KDM5A: variants seen among roughly 807,000 people sequenced by gnomAD.
The protein encoded by KDM5A is lysine demethylase 5A, also known as lysine-specific demethylase 5A.
A neutral mutation model predicts 193.5 loss-of-function variants in KDM5A; 42 were observed. The ratio of observed to expected loss-of-function variants is 0.22; its 90% CI spans 0.17 to 0.28. KDM5A has a LOEUF of 0.28. Among genes scored for constraint, KDM5A ranks in the 10% least tolerant of loss-of-function variants. The pLI is 1.00. For synonymous variants in KDM5A, 796 were observed against 718.1 expected (o/e 1.11, Z -1.73); for missense variants, 1,692 against 2,055.1 (o/e 0.82, Z 3.42).
In KDM5A at chr12:333,512, T is replaced by C. The variant is rs762095468; in HGVS notation, c.1628A>G (p.Asn543Ser). 5 of 1,613,966 alleles carry C rather than the reference T, an allele frequency of 3.1e-6. No individual in the cohort carries two copies. Among genetic ancestry groups the C allele is most frequent in the East Asian group, 2.2e-5 (1 of 44,888 alleles). ...LHQLVTIMNPNVLMEHGVPVY... is the reference protein window; with the variant it reads ...LHQLVTIMNPSVLMEHGVPVY... ...AGGCACACCATGCTCCATTAGCACG[T>C]TGGGGTTCATGATGGTAACTAACTG... is the stretch of plus-strand genomic sequence containing the variant. The change falls in exon 12 of 28, where the codon AAC becomes AGC. Residue 543 changes from asparagine to serine, a missense_variant. Coordinates refer to ENST00000399788, the MANE Select transcript of KDM5A (RefSeq NM_001042603.3).
intron 1 of KDM5A, among the ~76,000 whole-genome samples, chr12:386,685 A>G (rs1944641049): frequency 6.6e-6 from 1 of 152,168 alleles, no homozygotes; most frequent in East Asian, 1.9e-4. Flanking sequence ...TATCTCTATA[A>G]AAGAAAAAGA....
At chr12:320,483 G>A (rs908553721) in intron 18 of KDM5A, among the ~76,000 whole-genome samples, 9 of 152,070 alleles carry the variant, frequency 5.9e-5, no homozygotes, top group Non-Finnish European at 7.3e-5. Context: ...GCGACAGAGC[G>A]AGACTCCCAT....
chr12:293,911 A>G (rs1474040674), intron 26 of KDM5A, among the ~76,000 whole-genome samples: 1 of 152,076 alleles, frequency 6.6e-6, no homozygotes, highest in East Asian at 1.9e-4. Context: ...TTTAACTTAT[A>G]CTAGCTTACT....
At chr12:290,592 T>C (rs1187153630) in intron 27 of KDM5A, among the ~76,000 whole-genome samples, 1 of 152,194 alleles carries the variant, frequency 6.6e-6, no homozygotes, top group Non-Finnish European at 1.5e-5. Flanking sequence ...AAAATAATGA[T>C]CACATCTTAG....
intron 3 of KDM5A, among the ~76,000 whole-genome samples, chr12:369,538 G>C (rs1466835647): frequency 3.9e-5 from 6 of 152,138 alleles, no homozygotes; most frequent in Non-Finnish European, 7.4e-5. Context: ...GGGCCTCCAG[G>C]TAACAGGGTA....
chr12:317,055 G>C (rs530057064), intron 19 of KDM5A, among the ~76,000 whole-genome samples: 16 of 152,188 alleles, frequency 1.1e-4, no homozygotes, highest in Middle Eastern at 6.8e-3. Context: ...AAGGACCACC[G>C]TTAATTATCA....
In KDM5A at chr12:297,101, T is replaced by C. The variant is rs561267177; in HGVS notation, c.4174A>G (p.Thr1392Ala). 2 of 1,614,030 alleles carry C rather than the reference T, an allele frequency of 1.2e-6. No homozygotes were observed. Among genetic ancestry groups the C allele is most frequent in the East Asian group, 2.2e-5 (1 of 44,822 alleles). The change falls in exon 25 of 28, where the codon ACA becomes GCA. Residue 1392 changes from threonine (T) to alanine (A), a missense_variant. Physicochemically the swap from Thr to Ala is moderately conservative, Grantham distance 58. Around this residue, in one of 11 missense-constraint regions of KDM5A, gnomAD observed 965 missense variants for 1,061.0 expected, o/e 0.91. Coordinates refer to ENST00000399788, the MANE Select transcript of KDM5A (RefSeq NM_001042603.3). ...TGCTCTGCACAAAATGAAGGTGCTG[T>C]CCACATGTGGGTCACCACCTCCTCG... is the stretch of plus-strand genomic sequence containing the variant. ...KSEEVVTHMW[T>A]APSFCAEHAY...
intron 10 of KDM5A, among the ~76,000 whole-genome samples, chr12:343,553 C>T (rs937474575): frequency 1.8e-4 from 27 of 152,296 alleles, no homozygotes; most frequent in African/African-American, 6.5e-4. Flanking sequence ...TGGGACGAAG[C>T]TTCCACAGGA....
intron 5 of KDM5A, among the ~76,000 whole-genome samples, chr12:361,278 T>G (rs964480149): frequency 6.6e-6 from 1 of 151,790 alleles, no homozygotes; most frequent in Non-Finnish European, 1.5e-5. Flanking sequence ...CTCTGTAAGC[T>G]CCGCCTTCCA....
intron 2 of KDM5A, among the ~76,000 whole-genome samples, chr12:384,567 A>G (rs1425448189): frequency 6.6e-6 from 1 of 152,132 alleles, no homozygotes; most frequent in African/African-American, 2.4e-5. Flanking sequence ...TTTTTTCATT[A>G]TTGCTTATTT....
chr12:312,230 C>CAG (rs1482091469), intron 20 of KDM5A, among the ~76,000 whole-genome samples: 2 of 152,160 alleles, frequency 1.3e-5, no homozygotes, highest in Non-Finnish European at 2.9e-5. Flanking sequence ...TTTTAAATTA[C>CAG]AGATGTGTAA....
At chr12:349,312 GC>G (rs1565542023) in intron 10 of KDM5A, among the ~76,000 whole-genome samples, 1 of 144,880 alleles carries the variant, frequency 6.9e-6, no homozygotes, top group East Asian at 2.1e-4. Context: ...GAGCCCCCGC[GC>G]CCAGCCATCT....
intron 1 of KDM5A, 30 bp from the exon 2 acceptor site, chr12:386,004 CAG>C (rs749026564): frequency 6.5e-7 from 1 of 1,546,542 alleles, no homozygotes; most frequent in Non-Finnish European, 8.9e-7. Context: ...TAAAAAAACA[CAG>C]TGGTATGTAA....
Position 308,005 on chromosome 12 carries a change from C to T in KDM5A, c.3379G>A (p.Val1127Met), listed in dbSNP as rs1369709387. 6.2e-7 allele frequency: 1 copy of T among 1,613,692 alleles called. No homozygotes were observed. The highest frequency in any genetic ancestry group is 1.3e-5 in the African/African-American group (1 of 74,922). ...TGCTCCCGTTCTTTGAAAACTGCCA[C>T]CTGTACAAGACAAACATTTAATTGA... is the stretch of plus-strand genomic sequence containing the variant. ...LEETRDTAMVVAVFKEREQKE... is the reference protein window; with the variant it reads ...LEETRDTAMVMAVFKEREQKE... Residue 1127 changes from valine (V) to methionine (M), a missense_variant and splice_region_variant, in exon 23 of 28, where the codon GTG (valine) becomes ATG (methionine). Physicochemically the swap from Val to Met is conservative, Grantham distance 21. Coordinates refer to ENST00000399788, the MANE Select transcript of KDM5A (RefSeq NM_001042603.3).
intron 10 of KDM5A, among the ~76,000 whole-genome samples, chr12:337,688 G>A (rs1288197041): frequency 6.6e-6 from 1 of 150,486 alleles, no homozygotes; most frequent in Non-Finnish European, 1.5e-5. Context: ...TGTTGCCAAG[G>A]CTGGAATGTA....
intron 27 of KDM5A, among the ~76,000 whole-genome samples, chr12:288,942 A>G (rs1265332697): frequency 2.0e-5 from 3 of 152,226 alleles, no homozygotes; most frequent in Non-Finnish European, 4.4e-5. Flanking sequence ...TGTGTATTAC[A>G]CACATTTAGG....
intron 27 of KDM5A, among the ~76,000 whole-genome samples, chr12:286,910 T>C (rs1943226060): frequency 6.6e-6 from 1 of 152,188 alleles, no homozygotes; most frequent in Admixed American, 6.5e-5. Context: ...TCAAGATTAC[T>C]CAACTCAGAA....
At chr12:326,974 C>CA in intron 14 of KDM5A, among the ~76,000 whole-genome samples, 1 of 150,294 alleles carries the variant, frequency 6.7e-6, no homozygotes, top group Non-Finnish European at 1.5e-5. Context: ...AACAGAATGA[C>CA]AATGATAATG....
intron 21 of KDM5A, 144 bp from the exon 22 acceptor site, chr12:310,108 T>C: frequency 1.3e-6 from 1 of 746,768 alleles, no homozygotes; most frequent in Admixed American, 2.8e-5. Context: ...AATTCATTCC[T>C]CACAACAACC....
Sources: allele counts gnomAD v4.1 joint callset (sites outside exome capture counted in the v4.1 genomes callset), GRCh38; gene constraint gnomAD v4.1.1; regional missense constraint gnomAD v4.1.1; transcripts MANE v1.5; gene names NCBI Gene and HGNC (gene_info 2026-07-23, HGNC 2026-07-21).